Variants in SCGB2B2 observed in about 807,000 individuals in gnomAD.
The protein encoded by SCGB2B2 is secretoglobin family 2B member 2.
SCGB2B2 carries 11 observed loss-of-function variants against 7.6 expected under a neutral mutation model. The ratio of observed to expected loss-of-function variants is 1.45; its 90% confidence interval spans 0.91 to 2.40. SCGB2B2 has a LOEUF of 2.40. Among genes scored for constraint, SCGB2B2 ranks in the 30% most tolerant of loss-of-function variants. The probability of loss-of-function intolerance (pLI) is 0.00; values close to 1 mark genes in which losing one functional copy is unlikely to be tolerated. For synonymous variants in SCGB2B2, 50 were observed against 48.6 expected, an observed-to-expected ratio of 1.03 and a Z score of -0.12; for missense variants, 104 against 115.4, an observed-to-expected ratio of 0.90 and a Z score of 0.45.
At chr19:34,659,778 G>GA (rs767494830) in intron 1 of SCGB2B2, among the ~76,000 whole-genome samples, 8 of 151,972 alleles carry the variant, frequency 5.3e-5, no homozygotes, top group Non-Finnish European at 8.8e-5. Flanking sequence ...CACAGAATTG[G>GA]AAAAAACTAC....
intron 1 of SCGB2B2, among the ~76,000 whole-genome samples, chr19:34,606,474 G>A (rs1015651445): frequency 6.6e-6 from 1 of 151,064 alleles, no homozygotes; most frequent in Non-Finnish European, 1.5e-5. Context: ...GAGAGCAGAA[G>A]AAACTTTTTG....
At chr19:34,624,887 AAT>A (rs2066327838) in intron 1 of SCGB2B2, among the ~76,000 whole-genome samples, 1 of 152,194 alleles carries the variant, frequency 6.6e-6, no homozygotes, top group Non-Finnish European at 1.5e-5. Context: ...AGAAGCTTTT[AAT>A]AGGCTGACAG....
intron 1 of SCGB2B2, among the ~76,000 whole-genome samples, chr19:34,674,275 G>C (rs2146218044): frequency 6.6e-6 from 1 of 152,280 alleles, no homozygotes. Context: ...AGGGATCCTG[G>C]TCTTGTCTGA....
chr19:34,659,944 C>CA (rs1216761836), intron 1 of SCGB2B2, among the ~76,000 whole-genome samples: 1 of 152,100 alleles, frequency 6.6e-6, no homozygotes, highest in Non-Finnish European at 1.5e-5. Context: ...ATATATAGAC[C>CA]AATGGAACAG....
intron 1 of SCGB2B2, among the ~76,000 whole-genome samples, chr19:34,611,010 T>G (rs2065912091): frequency 6.6e-6 from 1 of 152,226 alleles, no homozygotes; most frequent in Non-Finnish European, 1.5e-5. Context: ...TTGCAATTGC[T>G]CAATTCAGGA....
intron 1 of SCGB2B2, among the ~76,000 whole-genome samples, chr19:34,672,773 TG>T (rs2067833862): frequency 6.6e-6 from 1 of 152,210 alleles, no homozygotes; most frequent in Admixed American, 6.5e-5. Context: ...AACACAAACC[TG>T]AAACTTTGTC....
At chr19:34,633,432 G>A (rs572557446) in intron 1 of SCGB2B2, among the ~76,000 whole-genome samples, 8 of 152,148 alleles carry the variant, frequency 5.3e-5, no homozygotes, top group Non-Finnish European at 7.3e-5. Flanking sequence ...AGCTATACAC[G>A]AGTCTGTAAT....
intron 1 of SCGB2B2, among the ~76,000 whole-genome samples, chr19:34,653,077 C>A (rs1568441053): frequency 6.6e-6 from 1 of 151,296 alleles, no homozygotes; most frequent in Non-Finnish European, 1.5e-5. Flanking sequence ...AGCTTGGAGT[C>A]ATTGTTTTAA....
At chr19:34,619,065 TTG>T (rs2066169851) in intron 1 of SCGB2B2, among the ~76,000 whole-genome samples, 1 of 152,246 alleles carries the variant, frequency 6.6e-6, no homozygotes, top group Non-Finnish European at 1.5e-5. Context: ...ATCTTTTACA[TTG>T]TCTTTTTTAA....
chr19:34,669,527 G>T (rs1035692774), intron 1 of SCGB2B2, among the ~76,000 whole-genome samples: 1 of 152,168 alleles, frequency 6.6e-6, no homozygotes, highest in African/African-American at 2.4e-5. Flanking sequence ...TGCACACATG[G>T]ACCTGCAGGC....
intron 1 of SCGB2B2, among the ~76,000 whole-genome samples, chr19:34,663,433 A>C (rs753536236): frequency 6.6e-5 from 10 of 152,258 alleles, no homozygotes; most frequent in African/African-American, 2.2e-4. Flanking sequence ...ATGTTGAACA[A>C]AAAAGTAAGA....
chr19:34,611,545 G>T (rs1308849904), intron 1 of SCGB2B2, among the ~76,000 whole-genome samples: 3 of 151,728 alleles, frequency 2.0e-5, no homozygotes, highest in Non-Finnish European at 4.4e-5. Flanking sequence ...TTTAAATGTA[G>T]GTATTTATCA....
rs1434288107 is a variant in SCGB2B2, at chr19:34,665,231, C to CT, written c.-2032+10398dup. ...CTGGCTGCATCTGTTGTCCAGAGCC[C>CT]TTGGTCACAAGGCGTGCAGCCTGGA... On this transcript the variant is annotated intron_variant, in intron 1 of 3. Transcript: ENST00000601241. Among the ~76,000 whole-genome samples the CT allele has an allele frequency of 7.9e-5, 12 of 152,214 alleles. No homozygotes were observed. In the South Asian group the frequency reaches 1.5e-3, roughly 18 times the overall value.
intron 1 of SCGB2B2, among the ~76,000 whole-genome samples, chr19:34,602,902 A>G (rs1399448214): frequency 6.6e-6 from 1 of 152,148 alleles, no homozygotes; most frequent in African/African-American, 2.4e-5. Context: ...TCCTGCAGGG[A>G]CACTGATGGA....
chr19:34,662,550 C>T (rs1473070261), intron 1 of SCGB2B2, among the ~76,000 whole-genome samples: 1 of 151,550 alleles, frequency 6.6e-6, no homozygotes, highest in African/African-American at 2.4e-5. Flanking sequence ...TAAAGTATAA[C>T]ATTGATAAAT....
chr19:34,669,750 C>T (rs2067750937), intron 1 of SCGB2B2, among the ~76,000 whole-genome samples: 1 of 150,666 alleles, frequency 6.6e-6, no homozygotes, highest in Admixed American at 6.6e-5. Flanking sequence ...TGTCTCATTT[C>T]CACCTGTGGG....
intron 1 of SCGB2B2, among the ~76,000 whole-genome samples, chr19:34,650,871 C>T (rs1291193955): frequency 6.6e-6 from 1 of 151,226 alleles, no homozygotes; most frequent in African/African-American, 2.5e-5. Flanking sequence ...ACTAGCCAAC[C>T]AAATTCAGCA....
chr19:34,669,909 C>T (rs1056941430), intron 1 of SCGB2B2, among the ~76,000 whole-genome samples: 1 of 152,192 alleles, frequency 6.6e-6, no homozygotes, highest in Non-Finnish European at 1.5e-5. Flanking sequence ...CAAGGGGAAC[C>T]CATAGGCCAC....
intron 1 of SCGB2B2, among the ~76,000 whole-genome samples, chr19:34,610,665 C>T (rs1038674391): frequency 6.6e-6 from 1 of 151,864 alleles, no homozygotes; most frequent in African/African-American, 2.4e-5. Flanking sequence ...AGAAATCCCA[C>T]TTGATCATGG....
Sources: allele counts gnomAD v4.1 joint callset (sites outside exome capture counted in the v4.1 genomes callset), GRCh38; gene constraint gnomAD v4.1.1; transcripts MANE v1.5; gene names NCBI Gene and HGNC (gene_info 2026-07-23, HGNC 2026-07-21).